DAB1: variants seen among roughly 807,000 people sequenced by gnomAD.
DAB1 encodes the protein DAB adaptor protein 1.
A neutral mutation model predicts 64.6 loss-of-function variants in DAB1; 15 were observed. That is an observed-to-expected ratio of 0.23 (90% confidence interval 0.16 to 0.36). The LOEUF (loss-of-function observed/expected upper bound fraction) is 0.36. Among genes scored for constraint, DAB1 ranks in the 10% least tolerant of loss-of-function variants. DAB1 has a pLI of 1.00. For synonymous variants in DAB1, 235 were observed against 251.9 expected, an observed-to-expected ratio of 0.93 and a Z score of 0.64; for missense variants, 596 against 706.7, an observed-to-expected ratio of 0.84 and a Z score of 1.78.
At chr1:57,954,682 G>C (rs1241636068) in intron 5 of DAB1, among the ~76,000 whole-genome samples, 1 of 152,172 alleles carries the variant, frequency 6.6e-6, no homozygotes, top group African/African-American at 2.4e-5. Flanking sequence ...TTTTTCTATT[G>C]ACTAATACAT....
At chr1:57,026,292 C>T (rs947436888) in intron 9 of DAB1, among the ~76,000 whole-genome samples, 1 of 152,212 alleles carries the variant, frequency 6.6e-6, no homozygotes, top group Non-Finnish European at 1.5e-5. Flanking sequence ...CCATTAATCA[C>T]TTCCCATAAG....
At chr1:58,536,717 T>C (rs775189305) in intron 1 of DAB1, 3 of 872,702 alleles carry the variant, frequency 3.4e-6, no homozygotes, top group Admixed American at 3.4e-5. Flanking sequence ...TAGGAGGAAG[T>C]GCCTGCCACC....
At chr1:57,856,047 T>C (rs1348047694) in intron 1 of DAB1, among the ~76,000 whole-genome samples, 3 of 151,744 alleles carry the variant, frequency 2.0e-5, no homozygotes, top group Non-Finnish European at 2.9e-5. Context: ...AACATAGGAG[T>C]AGAGAATAAT....
intron 3 of DAB1, among the ~76,000 whole-genome samples, chr1:58,486,936 T>C (rs1428938927): frequency 1.3e-5 from 2 of 152,214 alleles, no homozygotes; most frequent in Admixed American, 1.3e-4. Context: ...AGCTAGGCAG[T>C]GGCCAAATTA....
chr1:57,104,592 T>G (rs1654972175), intron 4 of DAB1, among the ~76,000 whole-genome samples: 1 of 152,188 alleles, frequency 6.6e-6, no homozygotes, highest in Non-Finnish European at 1.5e-5. Flanking sequence ...TATTTCAGGC[T>G]GGAACTTTAT....
At chr1:58,330,320 GA>G (rs1557732966) in intron 4 of DAB1, among the ~76,000 whole-genome samples, 1 of 152,230 alleles carries the variant, frequency 6.6e-6, no homozygotes, top group Non-Finnish European at 1.5e-5. Context: ...CGAAGCTGCA[GA>G]AGAAAAGTTG....
At chr1:58,494,955 A>G (rs1645770051) in intron 3 of DAB1, among the ~76,000 whole-genome samples, 1 of 152,226 alleles carries the variant, frequency 6.6e-6, no homozygotes, top group African/African-American at 2.4e-5. Context: ...TGCTGCTATA[A>G]AGACACATGC....
At chr1:57,114,689 T>C (rs1156473071) in intron 4 of DAB1, among the ~76,000 whole-genome samples, 1 of 152,194 alleles carries the variant, frequency 6.6e-6, no homozygotes, top group Non-Finnish European at 1.5e-5. Context: ...TTCACTCAGA[T>C]ATTTTACTCT....
chr1:58,030,051 C>T (rs1454399591), intron 5 of DAB1, among the ~76,000 whole-genome samples: 1 of 151,912 alleles, frequency 6.6e-6, no homozygotes, highest in South Asian at 2.1e-4. Flanking sequence ...ACTAAAAATA[C>T]AAAAATTAGC....
chr1:58,075,879 G>A (rs1649605042), intron 5 of DAB1, among the ~76,000 whole-genome samples: 1 of 152,120 alleles, frequency 6.6e-6, no homozygotes, highest in Admixed American at 6.5e-5. Flanking sequence ...GTGGGAAGTA[G>A]AGGGAAGATG....
chr1:58,171,255 C>T (rs750763568), intron 4 of DAB1, among the ~76,000 whole-genome samples: 10 of 152,182 alleles, frequency 6.6e-5, no homozygotes, highest in Non-Finnish European at 1.3e-4. Flanking sequence ...GTAAAAAATG[C>T]CCGCCCAGTC....
At chr1:57,068,262 G>A (rs544036434) in intron 8 of DAB1, among the ~76,000 whole-genome samples, 40 of 152,060 alleles carry the variant, frequency 2.6e-4, no homozygotes, top group Non-Finnish European at 4.4e-4. Context: ...CAGGACAAAC[G>A]CAACTTTTCT....
At chr1:58,498,049 A>G (rs114325045) in intron 3 of DAB1, among the ~76,000 whole-genome samples, 71 of 152,238 alleles carry the variant, frequency 4.7e-4, no homozygotes, top group African/African-American at 1.6e-3. Flanking sequence ...CTCCCCTATA[A>G]GGCCCTGATA....
intron 6 of DAB1, among the ~76,000 whole-genome samples, chr1:57,709,553 C>A (rs1314978993): frequency 6.6e-6 from 1 of 152,058 alleles, no homozygotes; most frequent in South Asian, 2.1e-4. Flanking sequence ...TGCAGACACA[C>A]CAGAGTGAGG....
At chr1:58,362,791 G>T (rs1644180354) in intron 3 of DAB1, among the ~76,000 whole-genome samples, 1 of 152,210 alleles carries the variant, frequency 6.6e-6, no homozygotes, top group African/African-American at 2.4e-5. Flanking sequence ...GAAAACTGCA[G>T]TCCAAGGAGG....
chr1:58,377,965 A>G (rs1233928095), intron 3 of DAB1, among the ~76,000 whole-genome samples: 1 of 141,470 alleles, frequency 7.1e-6, no homozygotes, highest in Admixed American at 7.0e-5. Context: ...CTTCCAGTTG[A>G]TCGCATCGGC....
intron 6 of DAB1, among the ~76,000 whole-genome samples, chr1:57,791,836 C>A (rs1650615202): frequency 6.6e-6 from 1 of 152,164 alleles, no homozygotes; most frequent in African/African-American, 2.4e-5. Flanking sequence ...CAGTTAATCA[C>A]CCCAGGCTTG....
At chr1:57,292,560 G>A (rs1006453061) in intron 1 of DAB1, among the ~76,000 whole-genome samples, 7 of 151,996 alleles carry the variant, frequency 4.6e-5, no homozygotes, top group Non-Finnish European at 7.4e-5. Context: ...CCAGACCCTC[G>A]TCTCTAAGAC....
At chr1:57,907,922 TACACACACACACAC>T (rs372543898) in intron 5 of DAB1, among the ~76,000 whole-genome samples, 12 of 145,454 alleles carry the variant, frequency 8.3e-5, no homozygotes, top group African/African-American at 2.3e-4. Flanking sequence ...AATATATATA[TACACACACACACAC>T]ACACACACAT....
Sources: gnomAD v4.1 joint callset for allele counts (sites outside exome capture counted in the v4.1 genomes callset) on GRCh38, gnomAD v4.1.1 for gene constraint, MANE v1.5 for transcripts, NCBI Gene and HGNC (gene_info 2026-07-23, HGNC 2026-07-21) for gene names.